The following CELF4 variants were observed in gnomAD, a reference collection of about 807,000 sequenced individuals.
The protein encoded by CELF4 is CUG-BP- and ETR-3-like factor 4.
Under a neutral mutation model 59.9 loss-of-function variants are expected in CELF4, and 18 were observed. The ratio of observed to expected loss-of-function variants is 0.30; its 90% confidence interval spans 0.21 to 0.45. CELF4 has a LOEUF of 0.45. CELF4 is among the 20% of genes least tolerant of loss of function. The pLI is 1.00. For missense variants in CELF4, 456 were observed against 689.0 expected, an observed-to-expected ratio of 0.66 and a Z score of 3.79; for synonymous variants, 261 against 267.1, an observed-to-expected ratio of 0.98 and a Z score of 0.22.
chr18:37,562,949 C>T (rs778416546), intron 1 of CELF4, among the ~76,000 whole-genome samples: 15 of 152,014 alleles, frequency 9.9e-5, no homozygotes, highest in African/African-American at 2.7e-4. Context: ...CCCAGTATGC[C>T]GGAGCTAGTG....
chr18:37,496,139 C>T (rs550158325), intron 1 of CELF4, among the ~76,000 whole-genome samples: 2 of 152,330 alleles, frequency 1.3e-5, no homozygotes, highest in South Asian at 4.1e-4. Flanking sequence ...CAAGCTGCAG[C>T]TCCTCAGTGT....
intron 2 of CELF4, among the ~76,000 whole-genome samples, chr18:37,417,515 C>T (rs891612765): frequency 6.6e-6 from 1 of 152,234 alleles, no homozygotes; most frequent in Non-Finnish European, 1.5e-5. Flanking sequence ...CTCAATGAAG[C>T]CCCTCTGTTG....
At chr18:37,319,115 C>T (rs2096984447) in intron 3 of CELF4, among the ~76,000 whole-genome samples, 1 of 152,266 alleles carries the variant, frequency 6.6e-6, no homozygotes, top group Admixed American at 6.5e-5. Context: ...CCGTGTGTCA[C>T]TGCCTCCTGG....
intron 2 of CELF4, among the ~76,000 whole-genome samples, chr18:37,405,829 C>T (rs117383967): frequency 0.012 from 1,891 of 152,116 alleles, 17 homozygotes; most frequent in Non-Finnish European, 0.02. Flanking sequence ...GTCCCCTTCA[C>T]ACATCATTTC....
Position 37,243,877 on chromosome 18 carries a change from A to G in CELF4, c.*1365T>C. On this transcript the variant is annotated 3_prime_UTR_variant, in exon 13 of 13. Transcript: ENST00000420428. ...AGCGGAAGGTGAGTGAAGCGCGCGC[A>G]GCTCCCAGAGGGAAGCGAGAGGCGA... 5.4e-6 allele frequency: 1 copy of G among 184,230 alleles called. No homozygotes were observed. 11.4% of individuals were successfully genotyped at this position (184,230 alleles called of 1,614,324 possible). A position where few individuals can be genotyped will look rare whatever the true frequency, so the allele number is the denominator to read the frequency against.
chr18:37,273,119 G>T lies in CELF4; in HGVS notation c.846C>A (p.Gly282=). The T allele has an allele frequency of 6.2e-7, 1 of 1,613,506 alleles. No individual in the cohort carries two copies. Among genetic ancestry groups the T allele is most frequent in the Non-Finnish European group, 8.5e-7 (1 of 1,179,808 alleles). The change falls in exon 7 of 13, where the codon GGC becomes GGA. Residue 282 remains glycine, a synonymous_variant. Coordinates refer to ENST00000420428, the MANE Select transcript of CELF4 (RefSeq NM_020180.4). ...QAALMASVAQ[G]GYLNPMAAFA... ...AGGCAGCCATGGGGTTCAGGTAGCCGCCCTGCGCGACTGATGCCATCAGGG... is the reference window on the plus strand; with the variant it reads ...AGGCAGCCATGGGGTTCAGGTAGCCTCCCTGCGCGACTGATGCCATCAGGG...
intron 1 of CELF4, among the ~76,000 whole-genome samples, chr18:37,544,768 A>G (rs2099980228): frequency 6.6e-6 from 1 of 152,216 alleles, no homozygotes; most frequent in South Asian, 2.1e-4. Context: ...AGATGGTTCC[A>G]AAAATGTAGG....
intron 1 of CELF4, among the ~76,000 whole-genome samples, chr18:37,534,455 A>G (rs1479207686): frequency 6.6e-6 from 1 of 152,180 alleles, no homozygotes; most frequent in Non-Finnish European, 1.5e-5. Context: ...ATTTATTAGC[A>G]TCATGCTACT....
chr18:37,405,871 G>C (rs2099385186), intron 2 of CELF4, among the ~76,000 whole-genome samples: 1 of 151,970 alleles, frequency 6.6e-6, no homozygotes, highest in Admixed American at 6.6e-5. Context: ...GGGTGGTGGT[G>C]GGGGGCTGGG....
At chr18:37,530,747 G>A (rs976545576) in intron 1 of CELF4, among the ~76,000 whole-genome samples, 2 of 152,002 alleles carry the variant, frequency 1.3e-5, no homozygotes, top group African/African-American at 2.4e-5. Context: ...GATAACGCCC[G>A]TGCGGCTCTG....
At chr18:37,479,508 G>T (rs2099860297) in intron 2 of CELF4, among the ~76,000 whole-genome samples, 1 of 152,184 alleles carries the variant, frequency 6.6e-6, no homozygotes, top group East Asian at 1.9e-4. Context: ...GTCCCCCGCA[G>T]GGCAAAATTG....
chr18:37,367,783 C>A (rs1366273591), intron 2 of CELF4, among the ~76,000 whole-genome samples: 2 of 151,694 alleles, frequency 1.3e-5, no homozygotes, highest in East Asian at 3.9e-4. Context: ...ATCATTACTT[C>A]TGATATTTAC....
At position 37,385,941 on chromosome 18, in the gene CELF4, C is replaced by T. The variant is rs550699729; in HGVS notation, c.370-64060G>A. Among the ~76,000 whole-genome samples the T allele has an allele frequency of 3.3e-5, 5 of 152,338 alleles. No homozygotes were observed. The East Asian group carries it at 9.6e-4, about 29-fold the overall frequency. The stretch of plus-strand genomic sequence containing the variant: ...TTTCAGATACTACACTCATAGTGCT[C>T]AAGTGTGACATTTATTGAAACTTCA... On this transcript the variant is annotated intron_variant, in intron 2 of 12. Coordinates refer to ENST00000420428, the MANE Select transcript of CELF4 (RefSeq NM_020180.4).
intron 1 of CELF4, among the ~76,000 whole-genome samples, chr18:37,512,534 A>C (rs2099945655): frequency 6.2e-5 from 8 of 129,668 alleles, no homozygotes; most frequent in South Asian, 2.4e-4. Context: ...TTTTCTTCCT[A>C]CTCCATCTCC....
chr18:37,428,777 C>T (rs547691458), intron 2 of CELF4, among the ~76,000 whole-genome samples: 6 of 152,260 alleles, frequency 3.9e-5, no homozygotes, highest in South Asian at 2.1e-4. Flanking sequence ...GAGCAGCAGC[C>T]GCCCTGCAGG....
At chr18:37,252,079 A>G (rs938648158) in intron 12 of CELF4, among the ~76,000 whole-genome samples, 1 of 152,118 alleles carries the variant, frequency 6.6e-6, no homozygotes, top group African/African-American at 2.4e-5. Flanking sequence ...GGGTGGAGGA[A>G]GGGTGTTCTG....
At chr18:37,405,574 G>A (rs2099380988) in intron 2 of CELF4, among the ~76,000 whole-genome samples, 2 of 152,250 alleles carry the variant, frequency 1.3e-5, no homozygotes. Flanking sequence ...CCATCTTTGT[G>A]TTCCAAAATG....
intron 3 of CELF4, among the ~76,000 whole-genome samples, chr18:37,309,844 CT>C (rs2096580653): frequency 6.7e-6 from 1 of 149,192 alleles, no homozygotes; most frequent in Admixed American, 6.8e-5. Flanking sequence ...TTTTGCCTTG[CT>C]TGTCTCTGTT....
chr18:37,343,846 ACCTTTCACTCCTATCAGGCTGTCC>A (rs2098146829), intron 2 of CELF4, among the ~76,000 whole-genome samples: 1 of 151,526 alleles, frequency 6.6e-6, no homozygotes, highest in Admixed American at 6.6e-5. Context: ...CCAAACCCTC[ACCTTTCACTCCTATCAGGCTGTCC>A]ACTTCCAACT....
Sources: allele counts gnomAD v4.1 joint callset (sites outside exome capture counted in the v4.1 genomes callset), GRCh38; gene constraint gnomAD v4.1.1; transcripts MANE v1.5; gene names NCBI Gene and HGNC (gene_info 2026-07-23, HGNC 2026-07-21).